The following SEMA3A variants were observed in gnomAD, a reference collection of about 807,000 sequenced individuals.
The protein encoded by SEMA3A is semaphorin-3A.
A neutral mutation model predicts 97.9 loss-of-function variants in SEMA3A; 29 were observed. That is an observed-to-expected ratio of 0.30 (90% CI 0.22 to 0.40). The LOEUF (loss-of-function observed/expected upper bound fraction) is 0.40, where lower values mean the gene tolerates loss of function less well. Ranked by LOEUF, SEMA3A falls within the 10% of genes least tolerant of loss-of-function variation. The pLI, the probability that SEMA3A is intolerant of heterozygous loss-of-function variation, is 1.00. For synonymous variants in SEMA3A, 321 were observed against 323.7 expected (o/e 0.99, Z 0.09); for missense variants, 763 against 951.3 (o/e 0.80, Z 2.60).
chr7:84,234,843 C>T (rs1304392543), intron 3 of SEMA3A, among the ~76,000 whole-genome samples: 1 of 151,974 alleles, frequency 6.6e-6, no homozygotes, highest in African/African-American at 2.4e-5. Context: ...ATTTTCAAAT[C>T]TAGGGTAATC....
chr7:84,350,487 T>C (rs905280574), intron 2 of SEMA3A, among the ~76,000 whole-genome samples: 2 of 152,194 alleles, frequency 1.3e-5, no homozygotes, highest in Non-Finnish European at 2.9e-5. Flanking sequence ...CAATTTGACA[T>C]GCATTCTGTG....
intron 3 of SEMA3A, among the ~76,000 whole-genome samples, chr7:84,297,106 T>C (rs959183776): frequency 1.3e-5 from 2 of 152,106 alleles, no homozygotes; most frequent in Non-Finnish European, 2.9e-5. Context: ...GCCTGCTGAG[T>C]AGCTGGGATT....
chr7:84,295,303 A>T (rs1167882950), intron 3 of SEMA3A, among the ~76,000 whole-genome samples: 6 of 151,930 alleles, frequency 3.9e-5, no homozygotes. Context: ...CATTAGATTC[A>T]TTATTTTTTT....
intron 1 of SEMA3A, among the ~76,000 whole-genome samples, chr7:84,477,074 ATAT>A (rs1242324492): frequency 1.4e-4 from 9 of 64,110 alleles, no homozygotes; most frequent in East Asian, 1.7e-3. Flanking sequence ...AAAAAAAAAA[ATAT>A]ATATATATAT....
chr7:84,002,097 GATTAGTGTT>G lies in SEMA3A; in HGVS notation c.1361-60_1361-52del, dbSNP rs760674110. On this transcript the variant is annotated intron_variant, in intron 11 of 16. Coordinates refer to ENST00000265362, the MANE Select transcript of SEMA3A (RefSeq NM_006080.3). ...CACAAGTTAAGTAGATCTGAACAGAGATTAGTGTTAATGAATGAAATATGTATTTGTCAG... is the reference window on the plus strand; with the variant it reads ...CACAAGTTAAGTAGATCTGAACAGAGAATGAATGAAATATGTATTTGTCAG... 76 of 1,024,618 alleles carry G rather than the reference GATTAGTGTT, an allele frequency of 7.4e-5. No homozygotes were observed. The South Asian group carries it at 1.0e-3, about 13-fold the overall frequency. The allele number at this position is 1,024,618 out of a possible 1,614,324, so 63.5% of individuals were successfully genotyped here.
At chr7:84,274,696 G>A (rs772105035) in intron 3 of SEMA3A, among the ~76,000 whole-genome samples, 10 of 151,954 alleles carry the variant, frequency 6.6e-5, no homozygotes, top group South Asian at 2.1e-4. Flanking sequence ...CCAAAGATAC[G>A]TTTTTTGTGC....
At chr7:84,225,515 C>T (rs772084482) in intron 3 of SEMA3A, among the ~76,000 whole-genome samples, 33 of 152,090 alleles carry the variant, frequency 2.2e-4, no homozygotes, top group Non-Finnish European at 3.8e-4. Flanking sequence ...ATCTCTTTCA[C>T]AAGCAACAAA....
intron 5 of SEMA3A, among the ~76,000 whole-genome samples, chr7:84,047,060 C>A (rs1317869852): frequency 6.6e-6 from 1 of 151,830 alleles, no homozygotes; most frequent in Non-Finnish European, 1.5e-5. Flanking sequence ...TATAAGCTAT[C>A]AACCAGTCCA....
At chr7:84,424,524 T>A (rs10268422) in intron 1 of SEMA3A, among the ~76,000 whole-genome samples, 3,974 of 40,898 alleles carry the variant, frequency 0.097, 81 homozygotes, top group African/African-American at 0.13. Context: ...TAATATATGT[T>A]ATATATAATA....
At chr7:84,277,887 T>C (rs1331205411) in intron 3 of SEMA3A, among the ~76,000 whole-genome samples, 2 of 152,146 alleles carry the variant, frequency 1.3e-5, no homozygotes, top group Non-Finnish European at 2.9e-5. Context: ...CTTTTTGTTA[T>C]GCAAATTGCT....
chr7:84,453,791 T>A (rs1805622706), intron 1 of SEMA3A, among the ~76,000 whole-genome samples: 1 of 152,180 alleles, frequency 6.6e-6, no homozygotes, highest in Non-Finnish European at 1.5e-5. Flanking sequence ...TAAAATTGTT[T>A]GCTAATTTGC....
chr7:84,488,288 G>A (rs953727060), intron 1 of SEMA3A, among the ~76,000 whole-genome samples: 15 of 148,800 alleles, frequency 1.0e-4, no homozygotes, highest in Middle Eastern at 3.4e-3. Flanking sequence ...ATTACAAAGA[G>A]GTGTTTTCCA....
intron 2 of SEMA3A, among the ~76,000 whole-genome samples, chr7:84,332,852 A>G (rs1011031145): frequency 6.6e-6 from 1 of 152,146 alleles, no homozygotes; most frequent in African/African-American, 2.4e-5. Flanking sequence ...GTTATTATTT[A>G]CATGTCTTGA....
chr7:84,023,216 C>T (rs1048925176), intron 6 of SEMA3A, among the ~76,000 whole-genome samples: 17 of 152,152 alleles, frequency 1.1e-4, no homozygotes, highest in African/African-American at 3.9e-4. Flanking sequence ...ACTTATGATT[C>T]ATTTGGCAGC....
chr7:84,034,444 C>G (rs1246185509), intron 6 of SEMA3A, among the ~76,000 whole-genome samples: 1 of 152,142 alleles, frequency 6.6e-6, no homozygotes, highest in African/African-American at 2.4e-5. Context: ...TCAGTTATCA[C>G]TAAATTTCAG....
intron 3 of SEMA3A, among the ~76,000 whole-genome samples, chr7:84,234,160 C>T (rs1014405888): frequency 1.3e-5 from 2 of 151,956 alleles, no homozygotes; most frequent in Admixed American, 6.6e-5. Context: ...CATTTGTTCT[C>T]ATTCTCTACT....
Position 84,078,620 on chromosome 7 carries a change from C to T in SEMA3A, c.454-18062G>A, listed in dbSNP as rs570179902. On this transcript the variant is annotated intron_variant, in intron 4 of 16. Coordinates refer to ENST00000265362, the MANE Select transcript of SEMA3A (RefSeq NM_006080.3). ...AGTTTAGCAATTAATCATGGTTGGA[C>T]AAGGAAGTTAATGGAAACGTCAAAG... Among the ~76,000 whole-genome samples the T allele has an allele frequency of 2.0e-3, 302 of 152,038 alleles. 1 individual carries two copies. Among genetic ancestry groups the T allele is most frequent in the African/African-American group, 6.8e-3 (282 of 41,486 alleles).
At chr7:84,131,869 T>C (rs534606217) in intron 2 of SEMA3A, among the ~76,000 whole-genome samples, 45 of 152,294 alleles carry the variant, frequency 3.0e-4, no homozygotes, top group African/African-American at 1.1e-3. Context: ...CACAGCTCAC[T>C]GCAGGCTTGA....
At chr7:84,247,772 T>C (rs1204122058) in intron 3 of SEMA3A, among the ~76,000 whole-genome samples, 1 of 152,188 alleles carries the variant, frequency 6.6e-6, no homozygotes, top group Non-Finnish European at 1.5e-5. Flanking sequence ...CTGTTGGTAG[T>C]TGTCCAGAAG....
Sources: gnomAD v4.1 joint callset for allele counts (sites outside exome capture counted in the v4.1 genomes callset) on GRCh38, gnomAD v4.1.1 for gene constraint, MANE v1.5 for transcripts, NCBI Gene and HGNC (gene_info 2026-07-23, HGNC 2026-07-21) for gene names.